Variants in CACNA1A observed in about 807,000 individuals in gnomAD.
CACNA1A encodes the protein calcium voltage-gated channel subunit alpha1 A, also known as voltage-dependent P/Q-type calcium channel subunit alpha-1A.
A neutral mutation model predicts 262.4 loss-of-function variants in CACNA1A; 57 were observed. That is an observed-to-expected ratio of 0.22 (90% CI 0.18 to 0.27). CACNA1A has a LOEUF of 0.27. Ranked by LOEUF, CACNA1A falls within the 10% of genes least tolerant of loss-of-function variation. The pLI, the probability that CACNA1A is intolerant of heterozygous loss-of-function variation, is 1.00. For missense variants in CACNA1A, 2,526 were observed against 3,562.8 expected (o/e 0.71, Z 7.41); for synonymous variants, 1,431 against 1,419.3 (o/e 1.01, Z -0.18).
intron 3 of CACNA1A, among the ~76,000 whole-genome samples, chr19:13,384,615 G>A (rs1055410261): frequency 5.3e-5 from 8 of 152,216 alleles, no homozygotes; most frequent in African/African-American, 1.7e-4. Flanking sequence ...CAGGAGAATC[G>A]CTTGAACCTG....
intron 19 of CACNA1A, among the ~76,000 whole-genome samples, chr19:13,294,220 C>CAAAAAAAAAAAAAAAAAAAAAAAA (rs1394058595): frequency 1.0e-5 from 1 of 99,802 alleles, no homozygotes; most frequent in Non-Finnish European, 2.0e-5. Flanking sequence ...AAAAAAAAAA[C>CAAAAAAAAAAAAAAAAAAAAAAAA]AAACAAAACC....
chr19:13,370,147 C>A (rs1006772184), intron 4 of CACNA1A, among the ~76,000 whole-genome samples: 4 of 151,914 alleles, frequency 2.6e-5, no homozygotes, highest in Admixed American at 2.0e-4. Context: ...TTCATCCAGG[C>A]TGGAGTGCAG....
At chr19:13,375,402 C>T (rs531258378) in intron 3 of CACNA1A, among the ~76,000 whole-genome samples, 2 of 152,114 alleles carry the variant, frequency 1.3e-5, no homozygotes, top group South Asian at 2.1e-4. Flanking sequence ...GTACAATGGC[C>T]TTTAAGTGCT....
chr19:13,401,902 A>C (rs572148670), intron 3 of CACNA1A, among the ~76,000 whole-genome samples: 2 of 152,186 alleles, frequency 1.3e-5, no homozygotes, highest in South Asian at 4.1e-4. Context: ...GCGTTAAACT[A>C]CTGGGGTCAA....
Position 13,437,447 on chromosome 19 carries a change from T to C in CACNA1A, c.539+15429A>G, listed in dbSNP as rs959741555. Among the ~76,000 whole-genome samples the C allele has an allele frequency of 3.3e-5, 5 of 152,060 alleles. No homozygotes were observed. In the South Asian group the frequency reaches 1.0e-3, roughly 32 times the overall value. ...GGCTCACGCCTCTAATCCCAGCATT[T>C]TGGGAGGCTGAGGAGGGTGGATCAC... On this transcript the variant is annotated intron_variant, in intron 3 of 46. Coordinates refer to ENST00000360228, the MANE Select transcript of CACNA1A (RefSeq NM_001127222.2).
intron 15 of CACNA1A, among the ~76,000 whole-genome samples, chr19:13,305,378 G>A (rs953715026): frequency 6.6e-6 from 1 of 152,148 alleles, no homozygotes; most frequent in African/African-American, 2.4e-5. Context: ...AAGTTGTGCT[G>A]ATGCATACTG....
At chr19:13,386,292 T>G (rs1434894394) in intron 3 of CACNA1A, among the ~76,000 whole-genome samples, 1 of 152,198 alleles carries the variant, frequency 6.6e-6, no homozygotes, top group Non-Finnish European at 1.5e-5. Context: ...TTCCCAAGAT[T>G]CCTTGCAATA....
At chr19:13,405,440 A>G (rs1299605016) in intron 3 of CACNA1A, among the ~76,000 whole-genome samples, 1 of 152,096 alleles carries the variant, frequency 6.6e-6, no homozygotes, top group East Asian at 1.9e-4. Context: ...TCCCGTGCTC[A>G]AGCAATCAGC....
At chr19:13,264,951 T>C (rs1280664714) in intron 24 of CACNA1A, among the ~76,000 whole-genome samples, 1 of 151,784 alleles carries the variant, frequency 6.6e-6, no homozygotes, top group African/African-American at 2.4e-5. Flanking sequence ...CTTGGCTTAC[T>C]GCAACCTCTG....
intron 3 of CACNA1A, among the ~76,000 whole-genome samples, chr19:13,382,062 G>A (rs2059533157): frequency 6.6e-6 from 1 of 152,168 alleles, no homozygotes. Context: ...GCCTGGACCA[G>A]GGAGGTTGTG....
chr19:13,457,590 C>T (rs1254402128), intron 1 of CACNA1A, among the ~76,000 whole-genome samples: 2 of 152,308 alleles, frequency 1.3e-5, no homozygotes, highest in East Asian at 3.9e-4. Context: ...GTGGCTCACG[C>T]CTGTAATCCC....
chr19:13,471,179 A>T (rs901591705), intron 1 of CACNA1A, among the ~76,000 whole-genome samples: 11 of 152,184 alleles, frequency 7.2e-5, no homozygotes, highest in African/African-American at 2.7e-4. Flanking sequence ...GTAATCCAGG[A>T]TGACCTCATC....
intron 3 of CACNA1A, among the ~76,000 whole-genome samples, chr19:13,409,279 G>C (rs1301987223): frequency 1.3e-5 from 2 of 152,014 alleles, no homozygotes; most frequent in Admixed American, 1.3e-4. Context: ...AATCTGGCAA[G>C]AGGAAGATGA....
intron 6 of CACNA1A, among the ~76,000 whole-genome samples, chr19:13,341,022 T>A (rs919968721): frequency 6.6e-6 from 1 of 152,110 alleles, no homozygotes; most frequent in Admixed American, 6.6e-5. Context: ...TAGTGAGCTA[T>A]GATCGCACCA....
intron 6 of CACNA1A, among the ~76,000 whole-genome samples, chr19:13,341,695 C>A (rs992803138): frequency 6.6e-6 from 1 of 152,198 alleles, no homozygotes; most frequent in Non-Finnish European, 1.5e-5. Flanking sequence ...CAAATGCCAC[C>A]TTCTGAGGGA....
intron 3 of CACNA1A, among the ~76,000 whole-genome samples, chr19:13,425,637 A>G (rs1026158820): frequency 2.0e-5 from 3 of 152,230 alleles, no homozygotes; most frequent in Non-Finnish European, 4.4e-5. Context: ...TTCTCAACAC[A>G]TTGTTGGTCT....
At position 13,207,532 on chromosome 19, in the gene CACNA1A, G is replaced by A; in HGVS notation, c.7302C>T (p.Tyr2434=). 1 of 1,441,798 alleles carries A rather than the reference G, an allele frequency of 6.9e-7. No individual in the cohort carries two copies. The highest frequency in any genetic ancestry group is 9.1e-7 in the Non-Finnish European group (1 of 1,098,218). The allele number at this position is 1,441,798 out of a possible 1,614,324, so 89.3% of individuals were successfully genotyped here. A position where few individuals can be genotyped will look rare whatever the true frequency, so the allele number is the denominator to read the frequency against. Residue 2434 remains tyrosine, a synonymous_variant, in exon 47 of 47, where the codon TAC becomes TAT. Transcript: ENST00000360228. This position sits in a 1 kb window ranked among gnomAD's most constrained non-coding sequence, Gnocchi z 5.7. ...GGGEEAMAGA[Y]DAPPPVRHAS... is the part of the protein sequence containing the mutation. ...CGTGTCGTACGGGGGGTGGCGCGTCGTAGGCCCCGGCCATGGCCTCCTCGC... is the reference window on the plus strand; with the variant it reads ...CGTGTCGTACGGGGGGTGGCGCGTCATAGGCCCCGGCCATGGCCTCCTCGC...
chr19:13,359,016 C>A (rs147100706), intron 6 of CACNA1A, among the ~76,000 whole-genome samples: 2 of 152,150 alleles, frequency 1.3e-5, no homozygotes, highest in Non-Finnish European at 2.9e-5. Flanking sequence ...TAACAGCCAC[C>A]CCTCGGATGT....
chr19:13,318,921 C>CTTTTTT (rs1197755992), intron 10 of CACNA1A, among the ~76,000 whole-genome samples: 3 of 94,824 alleles, frequency 3.2e-5, no homozygotes, highest in African/African-American at 1.0e-4. Flanking sequence ...CAGGATCTTG[C>CTTTTTT]TTTGTTGCCC....
Sources: gnomAD v4.1 joint callset for allele counts (sites outside exome capture counted in the v4.1 genomes callset) on GRCh38, gnomAD v4.1.1 for gene constraint, Gnocchi (gnomAD v3.1) non-coding constraint, MANE v1.5 for transcripts, NCBI Gene and HGNC (gene_info 2026-07-23, HGNC 2026-07-21) for gene names.